MON2: variants seen among roughly 807,000 people sequenced by gnomAD.
MON2 encodes the protein MON2 regulator of endosome-to-Golgi trafficking, also known as protein MON2 homolog.
A neutral mutation model predicts 208.6 loss-of-function variants in MON2; 84 were observed. The ratio of observed to expected loss-of-function variants is 0.40; its 90% CI spans 0.34 to 0.48. The LOEUF (loss-of-function observed/expected upper bound fraction) is 0.48. MON2 is among the 20% of genes least tolerant of loss of function. The probability of loss-of-function intolerance (pLI) is 0.59; values close to 1 mark genes in which losing one functional copy is unlikely to be tolerated. For synonymous variants in MON2, 660 were observed against 694.0 expected (o/e 0.95, Z 0.77); for missense variants, 1,611 against 2,015.4 (o/e 0.80, Z 3.84).
intron 1 of MON2, among the ~76,000 whole-genome samples, chr12:62,482,167 T>C (rs896538217): frequency 6.6e-6 from 1 of 152,240 alleles, no homozygotes; most frequent in Non-Finnish European, 1.5e-5. Flanking sequence ...GGTACATCTC[T>C]GGGTAAGCAT....
chr12:62,548,119 A>G (rs2073576198), intron 22 of MON2, among the ~76,000 whole-genome samples: 1 of 152,206 alleles, frequency 6.6e-6, no homozygotes, highest in Non-Finnish European at 1.5e-5. Context: ...ACATTTTGGG[A>G]TTTTAAGCAG....
intron 8 of MON2, among the ~76,000 whole-genome samples, chr12:62,510,300 C>T (rs1032211854): frequency 3.0e-4 from 45 of 151,838 alleles, no homozygotes; most frequent in African/African-American, 1.1e-3. Context: ...ATGAGGCCAG[C>T]GTTAATACCA....
Position 62,526,014 on chromosome 12 carries a change from G to A in MON2, c.1312G>A (p.Gly438Ser). 1 of 1,613,782 alleles carries A rather than the reference G, an allele frequency of 6.2e-7. No homozygotes were observed. The highest frequency in any genetic ancestry group is 1.3e-5 in the African/African-American group (1 of 74,984). The change falls in exon 11 of 35, where the codon GGT becomes AGT. Residue 438 changes from glycine (G) to serine (S), a missense_variant. Coordinates refer to ENST00000393630, the MANE Select transcript of MON2 (RefSeq NM_015026.3). Reference sequence around the variant, plus strand: ...CTCAGGAATGGTGGGGATTGGTGGAGGTGTTACTTTGCTACCAGCATTTGA... The same window carrying A: ...CTCAGGAATGGTGGGGATTGGTGGAAGTGTTACTTTGCTACCAGCATTTGA... ...ANSGMVGIGG[G>S]VTLLPAFEYR...
At chr12:62,592,503 C>A in intron 34 of MON2, 83 bp from the exon 35 acceptor site, 2 of 1,055,474 alleles carry the variant, frequency 1.9e-6, no homozygotes, top group Non-Finnish European at 1.3e-6. Context: ...TCTTTACATG[C>A]AGTTTAAAGG....
At position 62,560,985 on chromosome 12, in the gene MON2, A is replaced by T; in HGVS notation, c.3904A>T (p.Ile1302Leu). The change falls in exon 26 of 35, where the codon ATA (isoleucine) becomes TTA (leucine). Residue 1302 changes from isoleucine (I) to leucine (L), a missense_variant. Transcript: ENST00000393630. ...GGATGACTTGCAAAAGTTGGGAGTC[A>T]TATTGCACAGTGCTATTTCAGTCCC... ...NMDDLQKLGV[I>L]LHSAISVPIS... The T allele has an allele frequency of 6.2e-7, 1 of 1,614,030 alleles. No individual in the cohort carries two copies. The highest frequency in any genetic ancestry group is 8.5e-7 in the Non-Finnish European group (1 of 1,179,912).
intron 22 of MON2, among the ~76,000 whole-genome samples, chr12:62,547,756 T>C (rs1010909643): frequency 3.3e-5 from 5 of 152,180 alleles, no homozygotes; most frequent in African/African-American, 9.7e-5. Context: ...TGTTTAGATA[T>C]GTTTCGGTAC....
chr12:62,469,605 A>T (rs1032038844), intron 1 of MON2, among the ~76,000 whole-genome samples: 1 of 152,210 alleles, frequency 6.6e-6, no homozygotes, highest in African/African-American at 2.4e-5. Context: ...AAAGAGAGTC[A>T]TTAGCCTAAT....
chr12:62,534,460 A>C (rs1243032060), intron 12 of MON2, among the ~76,000 whole-genome samples: 1 of 142,044 alleles, frequency 7.0e-6, no homozygotes, highest in Non-Finnish European at 1.5e-5. Context: ...CGAAGGTTGC[A>C]GTGAGCCAAG....
chr12:62,508,095 T>G (rs2071197084), intron 7 of MON2, among the ~76,000 whole-genome samples, 191 bp from the exon 8 acceptor site: 2 of 152,122 alleles, frequency 1.3e-5, no homozygotes, highest in Admixed American at 1.3e-4. Context: ...GACCTTAGAC[T>G]CTCTAAGTGC....
chr12:62,478,662 A>G (rs752501778), intron 1 of MON2, among the ~76,000 whole-genome samples: 6 of 152,224 alleles, frequency 3.9e-5, no homozygotes, highest in Non-Finnish European at 8.8e-5. Flanking sequence ...AAATTTGTCA[A>G]TGACTGGGTA....
chr12:62,475,086 T>G (rs889943635), intron 1 of MON2, among the ~76,000 whole-genome samples: 7 of 152,188 alleles, frequency 4.6e-5, no homozygotes, highest in Non-Finnish European at 8.8e-5. Flanking sequence ...CATTTAATAT[T>G]CTCTTGATTT....
intron 1 of MON2, 45 bp downstream of exon 1, chr12:62,467,363 G>A (rs2068567869): frequency 1.4e-6 from 2 of 1,474,526 alleles, no homozygotes; most frequent in African/African-American, 2.8e-5. Flanking sequence ...GAGCATGCCT[G>A]GTCCTGTTAG....
chr12:62,513,328 T>C (rs555448969), intron 8 of MON2, among the ~76,000 whole-genome samples: 243 of 152,058 alleles, frequency 1.6e-3, no homozygotes, highest in African/African-American at 5.4e-3. Flanking sequence ...TGGGTTCAAG[T>C]GATTCTCCTG....
At chr12:62,489,768 AT>A (rs956063487) in intron 2 of MON2, among the ~76,000 whole-genome samples, 3 of 151,934 alleles carry the variant, frequency 2.0e-5, no homozygotes, top group Non-Finnish European at 4.4e-5. Context: ...CTAGACTTTC[AT>A]TTGTCCTCAT....
chr12:62,543,644 G>A (rs544274662), intron 20 of MON2, among the ~76,000 whole-genome samples: 12 of 151,044 alleles, frequency 7.9e-5, no homozygotes, highest in South Asian at 6.3e-4. Flanking sequence ...ATCTAACTCC[G>A]TCACCCAGGC....
intron 8 of MON2, among the ~76,000 whole-genome samples, chr12:62,514,485 C>T (rs148415336): frequency 1.3e-5 from 2 of 152,200 alleles, no homozygotes; most frequent in African/African-American, 4.8e-5. Context: ...AGGCACATCA[C>T]AAATGGTGGT....
chr12:62,575,018 T>C (rs2074725613), intron 30 of MON2, among the ~76,000 whole-genome samples: 1 of 151,988 alleles, frequency 6.6e-6, no homozygotes, highest in Non-Finnish European at 1.5e-5. Context: ...CCCAGCTACT[T>C]GGGATGCTGA....
intron 1 of MON2, among the ~76,000 whole-genome samples, chr12:62,479,259 CAAAA>C (rs2069258014): frequency 6.6e-6 from 1 of 152,048 alleles, no homozygotes; most frequent in African/African-American, 2.4e-5. Context: ...CAGGGAATAC[CAAAA>C]TCTGAGGATA....
chr12:62,468,124 C>G (rs1031668937), intron 1 of MON2, among the ~76,000 whole-genome samples: 1 of 150,836 alleles, frequency 6.6e-6, no homozygotes, highest in Non-Finnish European at 1.5e-5. Flanking sequence ...TTACTATTTG[C>G]TTTTTCTCTT....
Sources: allele counts gnomAD v4.1 joint callset (sites outside exome capture counted in the v4.1 genomes callset), GRCh38; gene constraint gnomAD v4.1.1; transcripts MANE v1.5; gene names NCBI Gene and HGNC (gene_info 2026-07-23, HGNC 2026-07-21).